DLG5: variants seen among roughly 807,000 people sequenced by gnomAD.
The protein encoded by DLG5 is disks large homolog 5.
A neutral mutation model predicts 189.8 loss-of-function variants in DLG5; 48 were observed. That is an observed-to-expected ratio of 0.25 (90% confidence interval 0.20 to 0.32). The LOEUF (loss-of-function observed/expected upper bound fraction) is 0.32. DLG5 is among the 10% of genes least tolerant of loss of function. DLG5 has a pLI of 1.00. For missense variants in DLG5, 2,160 were observed against 2,544.7 expected (o/e 0.85, Z 3.25); for synonymous variants, 1,016 against 1,054.1 (o/e 0.96, Z 0.70).
chr10:77,936,515 C>A, the DLG5 span, among the ~76,000 whole-genome samples: 1 of 150,320 alleles, frequency 6.7e-6, no homozygotes, highest in Non-Finnish European at 1.5e-5. Flanking sequence ...GCCCAGATAC[C>A]AAGGACAAGG....
At chr10:77,894,543 CTT>C (rs35379334) in intron 1 of DLG5, among the ~76,000 whole-genome samples, 58 of 95,904 alleles carry the variant, frequency 6.0e-4, no homozygotes, top group African/African-American at 1.8e-3. Context: ...AAGAATAAAG[CTT>C]TTTTTTTTTT....
upstream of DLG5, chr10:77,929,336 G>C (rs992124064): frequency 6.6e-6 from 1 of 152,090 alleles, no homozygotes; most frequent in African/African-American, 2.4e-5. Flanking sequence ...GTTACCACCC[G>C]GACCAATTTT....
intron 1 of DLG5, among the ~76,000 whole-genome samples, chr10:77,876,212 C>G (rs1447607266): frequency 9.9e-5 from 15 of 151,894 alleles, no homozygotes. Context: ...CCCCCTATTT[C>G]TGGTCGTTAT....
intron 27 of DLG5, among the ~76,000 whole-genome samples, chr10:77,800,122 G>T (rs1014233878): frequency 1.1e-4 from 16 of 152,164 alleles, no homozygotes; most frequent in African/African-American, 3.4e-4. Flanking sequence ...CTATGCAGCA[G>T]TTGGAAGCAA....
At chr10:77,863,428 C>T (rs936154855) in intron 2 of DLG5, among the ~76,000 whole-genome samples, 3 of 152,022 alleles carry the variant, frequency 2.0e-5, no homozygotes, top group African/African-American at 4.8e-5. Flanking sequence ...AACTGTGATG[C>T]CCTGAATGAA....
chr10:77,853,959 G>T (rs142638934), intron 4 of DLG5, among the ~76,000 whole-genome samples: 2 of 152,350 alleles, frequency 1.3e-5, no homozygotes, highest in African/African-American at 2.4e-5. Context: ...CCAGAGGCCT[G>T]CCTGAGCCCT....
At chr10:77,799,635 G>A (rs1260264025) in intron 27 of DLG5, among the ~76,000 whole-genome samples, 1 of 152,142 alleles carries the variant, frequency 6.6e-6, no homozygotes, top group Non-Finnish European at 1.5e-5. Flanking sequence ...TTTGAGATAT[G>A]CTCTTGCTTT....
At chr10:77,852,181 G>A (rs779682264) in intron 5 of DLG5, among the ~76,000 whole-genome samples, 12 of 152,006 alleles carry the variant, frequency 7.9e-5, no homozygotes, top group Non-Finnish European at 1.8e-4. Flanking sequence ...GACCATCCTG[G>A]ACAACATGGT....
chr10:77,824,295 C>G, intron 14 of DLG5, 89 bp downstream of exon 14: 1 of 982,312 alleles, frequency 1.0e-6, no homozygotes, highest in East Asian at 2.5e-5. Context: ...CTCAAGGATC[C>G]TGTGACCCCA....
At chr10:77,886,345 C>T (rs566595820) in intron 1 of DLG5, among the ~76,000 whole-genome samples, 81 of 151,774 alleles carry the variant, frequency 5.3e-4, no homozygotes, top group Non-Finnish European at 7.9e-4. Flanking sequence ...CCTTAGGGTA[C>T]CGTTGTCACT....
rs1389425521 is a variant in DLG5 at position 77,824,995 on chromosome 10, CCTT to C, written c.2290-522_2290-520del. On this transcript the variant is annotated intron_variant, in intron 13 of 31. Transcript: ENST00000372391. ...ATCTCTGCTCACAGCTATGTGCAGA[CCTT>C]CTTAAGAAGTATATGTGCAACCGGT... Among the ~76,000 whole-genome samples the C allele has an allele frequency of 2.6e-5, 4 of 152,144 alleles. 1 individual carries two copies. The highest frequency in any genetic ancestry group is 4.1e-4 in the South Asian group (2 of 4,830).
chr10:77,816,778 G>A lies in DLG5; in HGVS notation c.3875-77C>T, dbSNP rs147247004. The A allele has an allele frequency of 1.0e-4, 158 of 1,540,598 alleles. No individual in the cohort carries two copies. The African/African-American group carries it at 1.8e-3, about 18-fold the overall frequency. On this transcript the variant is annotated intron_variant, in intron 19 of 31. Coordinates refer to ENST00000372391, the MANE Select transcript of DLG5 (RefSeq NM_004747.4). ...ACAGCCAAGACCAAGAGGCAGGTGCGATCCAGACACACAGCTCTATCCCCA... is the reference window on the plus strand; with the variant it reads ...ACAGCCAAGACCAAGAGGCAGGTGCAATCCAGACACACAGCTCTATCCCCA...
the DLG5 span, among the ~76,000 whole-genome samples, chr10:77,934,381 A>AAAG: frequency 2.0e-5 from 3 of 151,650 alleles, no homozygotes; most frequent in Non-Finnish European, 2.9e-5. Context: ...CAAAAAAAAA[A>AAAG]AAAAAAAGAA....
intron 1 of DLG5, among the ~76,000 whole-genome samples, chr10:77,919,390 C>T (rs1846466850): frequency 6.6e-6 from 1 of 151,942 alleles, no homozygotes; most frequent in African/African-American, 2.4e-5. Flanking sequence ...AACCCAATCA[C>T]CCAACCTCCT....
At chr10:77,824,162 C>T (rs1030146102) in intron 14 of DLG5, among the ~76,000 whole-genome samples, 5 of 152,370 alleles carry the variant, frequency 3.3e-5, no homozygotes, top group Middle Eastern at 3.4e-3. Context: ...ATCTAATTAT[C>T]GGGTCCAGAT....
At position 77,902,747 on chromosome 10, in the gene DLG5, C is replaced by T. The variant is rs560696806; in HGVS notation, c.304+23470G>A. On this transcript the variant is annotated intron_variant, in intron 1 of 31. Coordinates refer to ENST00000372391, the MANE Select transcript of DLG5 (RefSeq NM_004747.4). ...TGGTGGCATGCGCTTGTAGTCCCAG[C>T]TACTCGGGAGGCTGAGGCAGGAGAA... is the stretch of plus-strand genomic sequence containing the variant. 5.3e-5 allele frequency among the ~76,000 whole-genome samples: 8 copies of T among 152,236 alleles called. No homozygotes were observed. In the East Asian group the frequency reaches 1.4e-3, roughly 26 times the overall value.
chr10:77,909,928 C>CG (rs1263565190), intron 1 of DLG5, among the ~76,000 whole-genome samples: 1 of 152,080 alleles, frequency 6.6e-6, no homozygotes, highest in Non-Finnish European at 1.5e-5. Flanking sequence ...ACAAGAGGCC[C>CG]GGTGGCCTCA....
chr10:77,817,828 CG>C lies in DLG5; in HGVS notation c.3732del (p.Glu1245ArgfsTer2). On this transcript the variant is annotated frameshift_variant, in exon 18 of 32. Transcript: ENST00000372391. LOFTEE classifies it high-confidence loss of function. Reference sequence around the variant, plus strand: ...TTGGACCCATGGGTGGCTCTCATCTCGGAGTAGTCGCTGCAGGTCCTGTGGC... The same window carrying C: ...TTGGACCCATGGGTGGCTCTCATCTCGAGTAGTCGCTGCAGGTCCTGTGGC... ...DLSHRTCSDY[S>X]EMRATHGSNS... 6.4e-7 allele frequency: 1 copy of C among 1,555,372 alleles called. No homozygotes were observed. Among genetic ancestry groups the C allele is most frequent in the Non-Finnish European group, 8.7e-7 (1 of 1,148,844 alleles).
Position 77,926,209 on chromosome 10 carries a change from C to T in DLG5, c.304+8G>A, listed in dbSNP as rs1173660771. 3.4e-6 allele frequency: 5 copies of T among 1,482,422 alleles called. No homozygotes were observed. The African/African-American group carries it at 5.7e-5, about 17-fold the overall frequency. 91.8% of individuals were successfully genotyped at this position (1,482,422 alleles called of 1,614,324 possible). ...CCCAGAGGCGGGGGCCAAGGGTCTG[C>T]CACTCACCCGCGCCTTCGGCGGGCT... On this transcript the variant is annotated splice_region_variant and intron_variant, in intron 1 of 31. Coordinates refer to ENST00000372391, the MANE Select transcript of DLG5 (RefSeq NM_004747.4). The surrounding 1 kb of genome is among the most constrained non-coding windows in gnomAD (Gnocchi z 5.2).
Sources: allele counts gnomAD v4.1 joint callset (sites outside exome capture counted in the v4.1 genomes callset), GRCh38; gene constraint gnomAD v4.1.1; non-coding constraint Gnocchi (gnomAD v3.1); transcripts MANE v1.5; gene names NCBI Gene and HGNC (gene_info 2026-07-23, HGNC 2026-07-21).